KIF13A: variants seen among roughly 807,000 people sequenced by gnomAD.
KIF13A encodes the protein kinesin-like protein KIF13A.
KIF13A carries 79 observed loss-of-function variants against 212.2 expected under a neutral mutation model. The ratio of observed to expected loss-of-function variants is 0.37; its 90% CI spans 0.31 to 0.45. The LOEUF is 0.45. KIF13A is among the 20% of genes least tolerant of loss of function. The pLI is 1.00. For missense variants in KIF13A, 1,901 were observed against 2,209.0 expected (o/e 0.86, Z 2.79); for synonymous variants, 789 against 808.6 (o/e 0.98, Z 0.41).
Position 17,802,516 on chromosome 6 carries a change from C to T in KIF13A, c.2454+1845G>A, listed in dbSNP as rs1476314578. 6.6e-5 allele frequency among the ~76,000 whole-genome samples: 10 copies of T among 152,094 alleles called. No individual in the cohort carries two copies. The East Asian group carries it at 7.7e-4, about 12-fold the overall frequency. ...TGTTGGTCAGGCTGGTCTCGAACAC[C>T]GGACCTCAGGTGATCTGCCTGCCTC... On this transcript the variant is annotated intron_variant, in intron 20 of 38. Coordinates refer to ENST00000259711, the MANE Select transcript of KIF13A (RefSeq NM_022113.6).
chr6:17,827,085 A>G (rs1464250221), intron 14 of KIF13A, among the ~76,000 whole-genome samples: 2 of 151,664 alleles, frequency 1.3e-5, no homozygotes, highest in African/African-American at 4.8e-5. Context: ...AAAAAAATAA[A>G]TAAATAAAAT....
intron 4 of KIF13A, among the ~76,000 whole-genome samples, chr6:17,864,389 A>G (rs1408102243): frequency 6.6e-6 from 1 of 152,220 alleles, no homozygotes; most frequent in Non-Finnish European, 1.5e-5. Context: ...AAAGTAACCC[A>G]TAACACAATG....
chr6:17,776,411 AC>A lies in KIF13A; in HGVS notation c.4170+865del, dbSNP rs1193015811. The stretch of plus-strand genomic sequence containing the variant: ...TTTTTATTCTCATTTAGTTCTAAAT[AC>A]ATCCTAATTTCCATCATAATTTCTT... On this transcript the variant is annotated intron_variant, in intron 34 of 38. Coordinates refer to ENST00000259711, the MANE Select transcript of KIF13A (RefSeq NM_022113.6). The surrounding 1 kb of genome is among the most constrained non-coding windows in gnomAD (Gnocchi z 4.6). Among the ~76,000 whole-genome samples the A allele has an allele frequency of 2.0e-5, 3 of 152,242 alleles. No homozygotes were observed. The highest frequency in any genetic ancestry group is 2.9e-5 in the Non-Finnish European group (2 of 68,034).
Position 17,914,492 on chromosome 6 carries a change from A to G in KIF13A, c.147-16312T>C, listed in dbSNP as rs758224675. On this transcript the variant is annotated intron_variant, in intron 2 of 38. Coordinates refer to ENST00000259711, the MANE Select transcript of KIF13A (RefSeq NM_022113.6). This position sits in a 1 kb window ranked among gnomAD's most constrained non-coding sequence, Gnocchi z 5.9. ...TACATGGTCTATATGGGCATTTGCA[A>G]AATTAAAATCATACACATGCAAATG... Among the ~76,000 whole-genome samples, 3 of 152,238 alleles carry G rather than the reference A, an allele frequency of 2.0e-5. No individual in the cohort carries two copies. Among genetic ancestry groups the G allele is most frequent in the Non-Finnish European group, 4.4e-5 (3 of 68,042 alleles).
chr6:17,866,002 T>C (rs945597172), intron 4 of KIF13A, among the ~76,000 whole-genome samples: 7 of 152,316 alleles, frequency 4.6e-5, no homozygotes, highest in South Asian at 2.1e-4. Context: ...ATGCAACCAC[T>C]GCCCTGGGCA....
rs183814052 is a variant in KIF13A at position 17,871,535 on chromosome 6, G to A, written c.220+1842C>T. Among the ~76,000 whole-genome samples, 12 of 151,998 alleles carry A rather than the reference G, an allele frequency of 7.9e-5. No individual in the cohort carries two copies. Among genetic ancestry groups the A allele is most frequent in the Admixed American group, 2.0e-4 (3 of 15,260 alleles). On this transcript the variant is annotated intron_variant, in intron 4 of 38. Transcript: ENST00000259711. This position sits in a 1 kb window ranked among gnomAD's most constrained non-coding sequence, Gnocchi z 4.4. ...TGGGCTGCACACACACAGTGGGTTG[G>A]GGGGGGAGTCATGAATACTTAAAAA...
rs1768016199 is a variant in KIF13A, at chr6:17,855,019, C to T, written c.494+418G>A. Reference sequence around the variant, plus strand: ...ACATCAGGCAAGTGGATGCTTAAAACGTTCCCCACATGATTCCAATGCACA... The same window carrying T: ...ACATCAGGCAAGTGGATGCTTAAAATGTTCCCCACATGATTCCAATGCACA... On this transcript the variant is annotated intron_variant, in intron 6 of 38. Transcript: ENST00000259711. This position sits in a 1 kb window ranked among gnomAD's most constrained non-coding sequence, Gnocchi z 4.1. Among the ~76,000 whole-genome samples the T allele has an allele frequency of 6.6e-6, 1 of 152,140 alleles. No homozygotes were observed. Among genetic ancestry groups the T allele is most frequent in the African/African-American group, 2.4e-5 (1 of 41,448 alleles).
At chr6:17,876,563 C>T (rs930558992) in intron 3 of KIF13A, among the ~76,000 whole-genome samples, 2 of 152,056 alleles carry the variant, frequency 1.3e-5, no homozygotes, top group Admixed American at 1.3e-4. Context: ...TTTTTTATGG[C>T]TCCTATCTCA....
chr6:17,919,668 A>C lies in KIF13A; in HGVS notation c.147-21488T>G, dbSNP rs781529583. Among the ~76,000 whole-genome samples the C allele has an allele frequency of 7.3e-4, 111 of 152,334 alleles. No individual in the cohort carries two copies. Among genetic ancestry groups the C allele is most frequent in the Admixed American group, 7.8e-4 (12 of 15,304 alleles). On this transcript the variant is annotated intron_variant, in intron 2 of 38. Coordinates refer to ENST00000259711, the MANE Select transcript of KIF13A (RefSeq NM_022113.6). This position sits in a 1 kb window ranked among gnomAD's most constrained non-coding sequence, Gnocchi z 4.1. ...GTTCTATTATCTAGTTTTCCAGCAC[A>C]CACAGCAGATACGACAGCTAACAAG...
At chr6:17,948,225 C>G (rs1258178880) in intron 2 of KIF13A, among the ~76,000 whole-genome samples, 9 of 152,188 alleles carry the variant, frequency 5.9e-5, no homozygotes, top group Non-Finnish European at 1.3e-4. Context: ...AGGATCAGAA[C>G]AGACTTGACT....
chr6:17,916,592 T>C (rs1054997552), intron 2 of KIF13A, among the ~76,000 whole-genome samples: 65 of 152,222 alleles, frequency 4.3e-4, no homozygotes, highest in African/African-American at 1.6e-3. Flanking sequence ...AAGAAACAAA[T>C]CTTTTTTCCA....
At chr6:17,981,303 C>T (rs949781367) in intron 2 of KIF13A, among the ~76,000 whole-genome samples, 9 of 151,586 alleles carry the variant, frequency 5.9e-5, no homozygotes, top group African/African-American at 2.2e-4. Flanking sequence ...TTGAAATATA[C>T]ATATCCACAT....
chr6:17,788,117 A>G lies in KIF13A; in HGVS notation c.3262-242T>C, dbSNP rs144425573. On this transcript the variant is annotated intron_variant, in intron 26 of 38. Transcript: ENST00000259711. ...CTCCAGAAGGATAATTATACTTAAA[A>G]GCAAGACAAGCTCAAACTATACCAG... Among the ~76,000 whole-genome samples, 4 of 152,312 alleles carry G rather than the reference A, an allele frequency of 2.6e-5. No homozygotes were observed. The East Asian group carries it at 7.7e-4, about 29-fold the overall frequency.
chr6:17,844,653 T>C (rs1350861750), intron 9 of KIF13A, among the ~76,000 whole-genome samples: 1 of 152,236 alleles, frequency 6.6e-6, no homozygotes, highest in African/African-American at 2.4e-5. Context: ...TGGGTAACCC[T>C]ATCAAATTCT....
chr6:17,973,737 T>C (rs2744057), intron 2 of KIF13A, among the ~76,000 whole-genome samples: 121,563 of 152,188 alleles, frequency 0.8, 48,978 homozygotes, highest in African/African-American at 0.89. Flanking sequence ...AGTGGCAGAA[T>C]CAGATGGCAC....
chr6:17,969,756 T>C (rs1172931724), intron 2 of KIF13A, among the ~76,000 whole-genome samples: 4 of 152,204 alleles, frequency 2.6e-5, no homozygotes, highest in African/African-American at 7.2e-5. Context: ...ACTGTTTACT[T>C]GGGAAATCTT....
chr6:17,983,757 GGATTACAGGTGT>G (rs1204291405), intron 2 of KIF13A, among the ~76,000 whole-genome samples: 2 of 152,058 alleles, frequency 1.3e-5, no homozygotes, highest in African/African-American at 2.4e-5. Flanking sequence ...CAAAGTGCTG[GGATTACAGGTGT>G]GAGCTACCTC....
chr6:17,822,017 G>T, intron 16 of KIF13A: 1 of 1,148,836 alleles, frequency 8.7e-7, no homozygotes, highest in Non-Finnish European at 1.2e-6. Context: ...ACTGGGTAAA[G>T]GATGGGGTAG....
Position 17,894,416 on chromosome 6 carries a change from C to T in KIF13A, c.159+3752G>A, listed in dbSNP as rs573093533. On this transcript the variant is annotated intron_variant, in intron 3 of 38. Transcript: ENST00000259711. Reference sequence around the variant, plus strand: ...CACAGGCGTGAGTCACTGCACCTGGCCTTTTTCTGCATCTTACTGATATGA... The same window carrying T: ...CACAGGCGTGAGTCACTGCACCTGGTCTTTTTCTGCATCTTACTGATATGA... 1.2e-3 allele frequency among the ~76,000 whole-genome samples: 176 copies of T among 152,256 alleles called. 1 individual carries two copies. The highest frequency in any genetic ancestry group is 4.1e-3 in the African/African-American group (169 of 41,554).
Sources: allele counts gnomAD v4.1 joint callset (sites outside exome capture counted in the v4.1 genomes callset), GRCh38; gene constraint gnomAD v4.1.1; non-coding constraint Gnocchi (gnomAD v3.1); transcripts MANE v1.5; gene names NCBI Gene and HGNC (gene_info 2026-07-23, HGNC 2026-07-21).